The following GRID2 variants were observed in gnomAD, a reference collection of about 807,000 sequenced individuals.
The protein encoded by GRID2 is glutamate receptor ionotropic, delta-2.
A neutral mutation model predicts 114.8 loss-of-function variants in GRID2; 33 were observed. The observed-to-expected ratio is 0.29, with a 90% confidence interval of 0.22 to 0.38. GRID2 has a LOEUF of 0.38. GRID2 is among the 10% of genes least tolerant of loss of function. The pLI is 1.00. For missense variants in GRID2, 1,184 were observed against 1,257.7 expected (o/e 0.94, Z 0.89); for synonymous variants, 505 against 449.9 (o/e 1.12, Z -1.55).
At chr4:92,634,528 T>C (rs552329657) in intron 2 of GRID2, among the ~76,000 whole-genome samples, 34 of 152,194 alleles carry the variant, frequency 2.2e-4, no homozygotes, top group African/African-American at 7.5e-4. Flanking sequence ...GAGGAAGGTG[T>C]AGAAACACAC....
intron 1 of GRID2, among the ~76,000 whole-genome samples, chr4:92,346,139 C>T (rs1484598228): frequency 6.6e-6 from 1 of 152,120 alleles, no homozygotes; most frequent in Non-Finnish European, 1.5e-5. Context: ...GGTTTTCATC[C>T]CTAAGTGACA....
At chr4:93,315,540 ATGTT>A (rs1188464533) in intron 8 of GRID2, among the ~76,000 whole-genome samples, 1 of 152,040 alleles carries the variant, frequency 6.6e-6, no homozygotes, top group Admixed American at 6.6e-5. Flanking sequence ...CATGTTTATT[ATGTT>A]TATTATTGTT....
At chr4:92,497,279 T>C (rs994630627) in intron 1 of GRID2, among the ~76,000 whole-genome samples, 3 of 151,894 alleles carry the variant, frequency 2.0e-5, no homozygotes, top group African/African-American at 7.2e-5. Context: ...ATTTAGCAGG[T>C]GGTATCTAAT....
At chr4:93,291,811 A>G in intron 8 of GRID2, among the ~76,000 whole-genome samples, 1 of 152,080 alleles carries the variant, frequency 6.6e-6, no homozygotes, top group Non-Finnish European at 1.5e-5. Context: ...AAAATTGTAT[A>G]TATTTATTAT....
rs145660658 is a variant in GRID2, at chr4:93,691,082, G to T, written c.2360+64647G>T. Among the ~76,000 whole-genome samples the T allele has an allele frequency of 2.7e-3, 411 of 151,352 alleles. 4 individuals are homozygous for T. The highest frequency in any genetic ancestry group is 9.6e-3 in the African/African-American group (397 of 41,422). ...TCTTTTTCTGATTATAAAAAACTGT[G>T]CAATAGCTTTTAATATCAGGTTATT... On this transcript the variant is annotated intron_variant, in intron 14 of 15. Coordinates refer to ENST00000282020, the MANE Select transcript of GRID2 (RefSeq NM_001510.4).
intron 1 of GRID2, among the ~76,000 whole-genome samples, chr4:92,500,730 G>T (rs892577156): frequency 6.6e-6 from 1 of 152,078 alleles, no homozygotes; most frequent in African/African-American, 2.4e-5. Context: ...GAGTAATCCT[G>T]CCTGATACCT....
chr4:93,048,258 C>T (rs2149277268), intron 2 of GRID2, among the ~76,000 whole-genome samples: 2 of 152,202 alleles, frequency 1.3e-5, no homozygotes, highest in Non-Finnish European at 1.5e-5. Flanking sequence ...ACAGGAAGCA[C>T]TCATTGTCAT....
intron 13 of GRID2, among the ~76,000 whole-genome samples, chr4:93,523,136 C>T (rs1380544595): frequency 6.6e-6 from 1 of 152,000 alleles, no homozygotes; most frequent in Non-Finnish European, 1.5e-5. Flanking sequence ...AAGAGGATAC[C>T]AACACTGGAT....
At chr4:92,789,650 T>C (rs1461932026) in intron 2 of GRID2, among the ~76,000 whole-genome samples, 3 of 151,960 alleles carry the variant, frequency 2.0e-5, no homozygotes, top group Non-Finnish European at 4.4e-5. Context: ...TTATTTATAA[T>C]TTCTTGCTAT....
intron 2 of GRID2, among the ~76,000 whole-genome samples, chr4:92,740,130 G>A (rs972194926): frequency 5.9e-5 from 9 of 152,014 alleles, no homozygotes; most frequent in African/African-American, 1.7e-4. Flanking sequence ...GCTTTGGATC[G>A]TGTTTTAGTC....
At chr4:92,645,217 T>C (rs1361785504) in intron 2 of GRID2, among the ~76,000 whole-genome samples, 1 of 151,742 alleles carries the variant, frequency 6.6e-6, no homozygotes, top group African/African-American at 2.4e-5. Flanking sequence ...GTTGATAGGC[T>C]TAATTCCATG....
chr4:93,015,590 C>T (rs1244467917), intron 2 of GRID2, among the ~76,000 whole-genome samples: 1 of 152,100 alleles, frequency 6.6e-6, no homozygotes, highest in Non-Finnish European at 1.5e-5. Context: ...CAAGGACCTT[C>T]CTGGTGATTT....
At chr4:92,671,645 C>A (rs1733076499) in intron 2 of GRID2, among the ~76,000 whole-genome samples, 1 of 151,822 alleles carries the variant, frequency 6.6e-6, no homozygotes, top group South Asian at 2.1e-4. Context: ...AGCTGTGGAC[C>A]CAGAGGAGTT....
intron 1 of GRID2, among the ~76,000 whole-genome samples, chr4:92,442,265 G>T (rs1184436497): frequency 6.6e-6 from 1 of 152,056 alleles, no homozygotes; most frequent in South Asian, 2.1e-4. Context: ...GAAGGAGTCA[G>T]ACAGCCTTGC....
At chr4:92,979,674 C>T (rs1365773370) in intron 2 of GRID2, among the ~76,000 whole-genome samples, 2 of 152,058 alleles carry the variant, frequency 1.3e-5, no homozygotes, top group Non-Finnish European at 2.9e-5. Context: ...CAGTGATGCA[C>T]AGAAAGGTTA....
chr4:93,082,297 G>A (rs539137372), intron 2 of GRID2, among the ~76,000 whole-genome samples: 1 of 152,130 alleles, frequency 6.6e-6, no homozygotes, highest in African/African-American at 2.4e-5. Flanking sequence ...TCTTTACTTC[G>A]CTATGCAAAA....
intron 14 of GRID2, among the ~76,000 whole-genome samples, chr4:93,638,253 T>G (rs1285378287): frequency 5.3e-5 from 8 of 151,812 alleles, no homozygotes; most frequent in Non-Finnish European, 1.0e-4. Flanking sequence ...ATCAACATGT[T>G]TTTATTTTGT....
At chr4:93,211,413 T>A (rs1426351372) in intron 5 of GRID2, among the ~76,000 whole-genome samples, 4 of 152,120 alleles carry the variant, frequency 2.6e-5, no homozygotes, top group African/African-American at 9.7e-5. Flanking sequence ...TCATAAAATA[T>A]TACAAATGAA....
chr4:92,630,636 A>C (rs1300430130), intron 2 of GRID2, among the ~76,000 whole-genome samples: 2 of 152,120 alleles, frequency 1.3e-5, no homozygotes, highest in Non-Finnish European at 2.9e-5. Context: ...AATCCTAAAC[A>C]TCTTTAGAGC....
Sources: allele counts gnomAD v4.1 joint callset (sites outside exome capture counted in the v4.1 genomes callset), GRCh38; gene constraint gnomAD v4.1.1; transcripts MANE v1.5; gene names NCBI Gene and HGNC (gene_info 2026-07-23, HGNC 2026-07-21).